The following LDLRAD3 variants were observed in gnomAD, a reference collection of about 807,000 sequenced individuals.
LDLRAD3 encodes the protein low-density lipoprotein receptor class A domain-containing protein 3.
Under a neutral mutation model 29.4 loss-of-function variants are expected in LDLRAD3, and 20 were observed. The observed-to-expected ratio is 0.68, with a 90% CI of 0.48 to 0.99. The LOEUF is 0.99. Ranked by LOEUF, LDLRAD3 falls within the 50% of genes least tolerant of loss-of-function variation. LDLRAD3 has a pLI of 0.00. For synonymous variants in LDLRAD3, 157 were observed against 192.7 expected, an observed-to-expected ratio of 0.81 and a Z score of 1.53; for missense variants, 420 against 454.3, an observed-to-expected ratio of 0.92 and a Z score of 0.69.
intron 4 of LDLRAD3, among the ~76,000 whole-genome samples, chr11:36,201,274 G>A (rs1855123667): frequency 6.6e-6 from 1 of 152,178 alleles, no homozygotes; most frequent in Non-Finnish European, 1.5e-5. Context: ...TTGCTGTATG[G>A]TAGAAAAAAT....
At chr11:36,106,044 T>C (rs937945789) in intron 4 of LDLRAD3, among the ~76,000 whole-genome samples, 2 of 152,160 alleles carry the variant, frequency 1.3e-5, no homozygotes, top group Non-Finnish European at 2.9e-5. Context: ...GTGTGGGAAC[T>C]GGACAGTTGC....
chr11:36,092,257 C>G (rs1429317666), intron 3 of LDLRAD3, among the ~76,000 whole-genome samples: 1 of 152,136 alleles, frequency 6.6e-6, no homozygotes, highest in East Asian at 1.9e-4. Flanking sequence ...TCTTTTTGAA[C>G]TATTCTAGGC....
chr11:36,195,591 T>C (rs1166048625), intron 4 of LDLRAD3, among the ~76,000 whole-genome samples: 2 of 152,148 alleles, frequency 1.3e-5, no homozygotes, highest in South Asian at 2.1e-4. Flanking sequence ...CATTTTAAAA[T>C]AGGGAGAAAG....
At chr11:36,160,550 G>A (rs1854424071) in intron 4 of LDLRAD3, among the ~76,000 whole-genome samples, 1 of 152,086 alleles carries the variant, frequency 6.6e-6, no homozygotes, top group Middle Eastern at 3.4e-3. Flanking sequence ...GGCTCTCAGG[G>A]GTCAGTTTTT....
At chr11:35,956,074 G>C (rs1023643403) in intron 1 of LDLRAD3, among the ~76,000 whole-genome samples, 1 of 152,262 alleles carries the variant, frequency 6.6e-6, no homozygotes, top group Admixed American at 6.5e-5. Flanking sequence ...GGAGTCTGCT[G>C]GTGGGAATTT....
At chr11:36,117,148 G>A (rs764770142) in intron 4 of LDLRAD3, among the ~76,000 whole-genome samples, 3 of 152,056 alleles carry the variant, frequency 2.0e-5, no homozygotes, top group East Asian at 3.9e-4. Flanking sequence ...ATGAGCCACC[G>A]CACCTGGCCT....
At chr11:36,043,610 A>G (rs918202102) in intron 2 of LDLRAD3, among the ~76,000 whole-genome samples, 2 of 152,232 alleles carry the variant, frequency 1.3e-5, no homozygotes, top group African/African-American at 2.4e-5. Context: ...TGTTGTCTTT[A>G]TAAGACGATA....
chr11:35,972,556 C>A (rs987342220), intron 1 of LDLRAD3: 1 of 152,090 alleles, frequency 6.6e-6, no homozygotes, highest in Non-Finnish European at 1.5e-5. Context: ...CCCTCAGATT[C>A]TTGTGTGCTA....
chr11:36,083,777 CACA>C (rs369603846), intron 3 of LDLRAD3, among the ~76,000 whole-genome samples: 18,104 of 106,534 alleles, frequency 0.17, 1,236 homozygotes, highest in Admixed American at 0.24. Flanking sequence ...CACACACACA[CACA>C]CCCCAGAATA....
intron 1 of LDLRAD3, among the ~76,000 whole-genome samples, chr11:35,953,639 T>C (rs1181970280): frequency 1.3e-5 from 2 of 152,194 alleles, no homozygotes; most frequent in Non-Finnish European, 2.9e-5. Context: ...CTAGTCACAC[T>C]TGTAGTTCCA....
intron 4 of LDLRAD3, among the ~76,000 whole-genome samples, chr11:36,145,381 TG>T (rs1416853569): frequency 2.4e-5 from 2 of 81,712 alleles, no homozygotes; most frequent in African/African-American, 1.3e-4. Flanking sequence ...GGGAGGGAGG[TG>T]GGGGGGTCAG....
At chr11:36,061,142 CT>C (rs1029843174) in intron 2 of LDLRAD3, among the ~76,000 whole-genome samples, 9 of 151,300 alleles carry the variant, frequency 5.9e-5, no homozygotes, top group African/African-American at 1.7e-4. Context: ...ATGAGGAAAT[CT>C]TTTTTTTTCC....
chr11:36,035,175 CTTT>C (rs11352330), intron 1 of LDLRAD3, among the ~76,000 whole-genome samples: 2 of 143,604 alleles, frequency 1.4e-5, no homozygotes. Flanking sequence ...AAGGACTGGT[CTTT>C]TTTTTTTTTT....
intron 1 of LDLRAD3, among the ~76,000 whole-genome samples, chr11:36,025,889 C>G (rs1308831517): frequency 6.7e-6 from 1 of 149,952 alleles, no homozygotes; most frequent in Non-Finnish European, 1.5e-5. Flanking sequence ...TAGCGATTCT[C>G]CTGCCCTATC....
chr11:36,054,011 T>C (rs756331851), intron 2 of LDLRAD3, among the ~76,000 whole-genome samples: 3 of 152,230 alleles, frequency 2.0e-5, no homozygotes, highest in Non-Finnish European at 4.4e-5. Context: ...GTGGATTGTA[T>C]AATCATCCTC....
chr11:36,117,850 A>T (rs1275137961), intron 4 of LDLRAD3, among the ~76,000 whole-genome samples: 2 of 152,234 alleles, frequency 1.3e-5, no homozygotes, highest in East Asian at 1.9e-4. Flanking sequence ...ATCTATAAAC[A>T]TTGGTGGAAA....
At chr11:36,109,191 G>A (rs1853573083) in intron 4 of LDLRAD3, among the ~76,000 whole-genome samples, 1 of 152,208 alleles carries the variant, frequency 6.6e-6, no homozygotes, top group Non-Finnish European at 1.5e-5. Context: ...CAGAAGAACC[G>A]GAGTGGAGTT....
At chr11:36,103,146 C>G (rs1015324418) in intron 4 of LDLRAD3, among the ~76,000 whole-genome samples, 8 of 152,060 alleles carry the variant, frequency 5.3e-5, no homozygotes, top group African/African-American at 1.9e-4. Context: ...CTCCTTCCCC[C>G]CAGGCCCCGG....
intron 1 of LDLRAD3, among the ~76,000 whole-genome samples, chr11:35,970,103 C>CGGG: frequency 6.6e-6 from 1 of 152,250 alleles, no homozygotes; most frequent in East Asian, 1.9e-4. Flanking sequence ...GGGTACTGTC[C>CGGG]TTAGTGCTTT....
Sources: gnomAD v4.1 joint callset for allele counts (sites outside exome capture counted in the v4.1 genomes callset) on GRCh38, gnomAD v4.1.1 for gene constraint, MANE v1.5 for transcripts, NCBI Gene and HGNC (gene_info 2026-07-23, HGNC 2026-07-21) for gene names.